Variants in ARMH3 observed in about 807,000 individuals in gnomAD.
The protein encoded by ARMH3 is armadillo like helical domain containing 3.
A neutral mutation model predicts 99.1 loss-of-function variants in ARMH3; 60 were observed. That is an observed-to-expected ratio of 0.61 (90% CI 0.49 to 0.75). The LOEUF (loss-of-function observed/expected upper bound fraction) is 0.75, where lower values mean the gene tolerates loss of function less well. Among genes scored for constraint, ARMH3 ranks in the 30% least tolerant of loss-of-function variants. The pLI, the probability that ARMH3 is intolerant of heterozygous loss-of-function variation, is 0.00. For synonymous variants in ARMH3, 285 were observed against 292.8 expected (o/e 0.97, Z 0.27); for missense variants, 679 against 843.1 (o/e 0.81, Z 2.41).
intron 24 of ARMH3, among the ~76,000 whole-genome samples, chr10:101,853,050 A>AT (rs747143889): frequency 0.014 from 1,761 of 129,534 alleles, 34 homozygotes; most frequent in African/African-American, 0.036. Flanking sequence ...TGCTTGGCTA[A>AT]TTTTTTTTTT....
In ARMH3 at chr10:101,978,902, T is replaced by C. The variant is rs575943379; in HGVS notation, c.1407-3602A>G. Reference sequence around the variant, plus strand: ...TTGCAGTGAGCCAAGATGGCGCCACTGCACTCCAGCCTGGGCAACAAAGCG... The same window carrying C: ...TTGCAGTGAGCCAAGATGGCGCCACCGCACTCCAGCCTGGGCAACAAAGCG... On this transcript the variant is annotated intron_variant, in intron 19 of 25. Coordinates refer to ENST00000370033, the MANE Select transcript of ARMH3 (RefSeq NM_024541.3). Among the ~76,000 whole-genome samples the C allele has an allele frequency of 3.3e-5, 5 of 152,116 alleles. No individual in the cohort carries two copies. In the South Asian group the frequency reaches 1.0e-3, roughly 32 times the overall value.
chr10:102,009,504 A>T, intron 12 of ARMH3, 55 bp from the exon 13 acceptor site: 1 of 1,402,326 alleles, frequency 7.1e-7, no homozygotes. Context: ...GAGTTAAAAC[A>T]GTATAACCAT....
rs759371508 is a variant in ARMH3, at chr10:102,002,053, G to C, written c.1068C>G (p.Leu356=). 4 of 1,614,070 alleles carry C rather than the reference G, an allele frequency of 2.5e-6. No homozygotes were observed. The African/African-American group carries it at 5.3e-5, about 22-fold the overall frequency. The change falls in exon 15 of 26, where the codon CTC becomes CTG. Residue 356 remains leucine (L), a synonymous_variant. Transcript: ENST00000370033. ...TGGTCTGTACATCTGCATCCAGTGG[G>C]AGTTCCACAGAACTTATAACTGGAA... ...PSSDVISSVE[L]PLDADVQTSN... is the part of the protein sequence containing the mutation.
intron 21 of ARMH3, 137 bp from the exon 22 acceptor site, chr10:101,956,860 T>C: frequency 1.4e-6 from 1 of 697,206 alleles, no homozygotes; most frequent in Non-Finnish European, 2.1e-6. Flanking sequence ...AGCCAGTTGT[T>C]AAACACAGCC....
chr10:101,993,451 G>A lies in ARMH3; in HGVS notation c.1275+87C>T, dbSNP rs1846902065. The A allele has an allele frequency of 4.0e-6, 4 of 1,007,104 alleles. No homozygotes were observed. In the South Asian group the frequency reaches 4.7e-5, roughly 12 times the overall value. 62.4% of individuals were successfully genotyped at this position (1,007,104 alleles called of 1,614,324 possible). A position where few individuals can be genotyped will look rare whatever the true frequency, so the allele number is the denominator to read the frequency against. ...TTGGCACAACTTTCCACCCACATTT[G>A]TTCTAGTAAGATCAATTTCATCCCA... is the stretch of plus-strand genomic sequence containing the variant. On this transcript the variant is annotated intron_variant, in intron 17 of 25. Transcript: ENST00000370033.
At chr10:102,033,720 T>G (rs1017420864) in intron 2 of ARMH3, among the ~76,000 whole-genome samples, 1 of 152,080 alleles carries the variant, frequency 6.6e-6, no homozygotes, top group Non-Finnish European at 1.5e-5. Context: ...ACCCGGCCCC[T>G]TAGTTTTCAA....
At position 101,860,950 on chromosome 10, in the gene ARMH3, C is replaced by T. The variant is rs532196510; in HGVS notation, c.1861-11058G>A. Reference sequence around the variant, plus strand: ...TCCAATATAATTTAAAGAAAGACAACAAAATCTAGCACTTAACTTCAATAA... The same window carrying T: ...TCCAATATAATTTAAAGAAAGACAATAAAATCTAGCACTTAACTTCAATAA... On this transcript the variant is annotated intron_variant, in intron 24 of 25. Coordinates refer to ENST00000370033, the MANE Select transcript of ARMH3 (RefSeq NM_024541.3). 2.0e-5 allele frequency among the ~76,000 whole-genome samples: 3 copies of T among 152,214 alleles called. No individual in the cohort carries two copies. The East Asian group carries it at 5.8e-4, about 29-fold the overall frequency.
At chr10:101,907,389 T>G (rs1052119563) in intron 23 of ARMH3, among the ~76,000 whole-genome samples, 2 of 151,374 alleles carry the variant, frequency 1.3e-5, no homozygotes, top group Admixed American at 1.3e-4. Flanking sequence ...GTTTTTGTTT[T>G]TTTTTTTTTT....
intron 13 of ARMH3, among the ~76,000 whole-genome samples, chr10:102,008,881 A>G (rs1324064730): frequency 6.6e-6 from 1 of 152,066 alleles, no homozygotes; most frequent in Non-Finnish European, 1.5e-5. Flanking sequence ...TCAGTATTCT[A>G]TGACTTCCTT....
chr10:102,004,767 C>T (rs1217350397), intron 14 of ARMH3, among the ~76,000 whole-genome samples: 1 of 152,164 alleles, frequency 6.6e-6, no homozygotes, highest in Admixed American at 6.5e-5. Flanking sequence ...CTACTTGCTC[C>T]TTCTCAGTAA....
chr10:102,038,207 A>T (rs2067323823), intron 2 of ARMH3, among the ~76,000 whole-genome samples: 1 of 141,946 alleles, frequency 7.0e-6, no homozygotes, highest in Admixed American at 7.8e-5. Flanking sequence ...CCATTCTCCT[A>T]CCTCAGCCTC....
chr10:102,003,194 G>A (rs998997649), intron 14 of ARMH3, among the ~76,000 whole-genome samples: 27 of 151,312 alleles, frequency 1.8e-4, no homozygotes, highest in Non-Finnish European at 2.4e-4. Context: ...ACAGAGTCTC[G>A]CTCTGTTGCC....
chr10:101,914,955 A>C (rs1185617314), intron 23 of ARMH3, among the ~76,000 whole-genome samples: 1 of 151,658 alleles, frequency 6.6e-6, no homozygotes, highest in Non-Finnish European at 1.5e-5. Context: ...TTACAAGGTT[A>C]ATTACAGCTT....
At chr10:101,946,726 A>C (rs560152527) in intron 22 of ARMH3, among the ~76,000 whole-genome samples, 1 of 152,232 alleles carries the variant, frequency 6.6e-6, no homozygotes, top group East Asian at 1.9e-4. Flanking sequence ...AGGAGACAGA[A>C]ATTGGGGCAG....
chr10:102,031,940 CT>C (rs1207910471), intron 4 of ARMH3, among the ~76,000 whole-genome samples: 2 of 151,124 alleles, frequency 1.3e-5, no homozygotes, highest in African/African-American at 4.9e-5. Context: ...GGGTTTCCCC[CT>C]GTTAGCCAGG....
Position 101,847,497 on chromosome 10 carries a change from G to A in ARMH3, c.*31C>T. On this transcript the variant is annotated 3_prime_UTR_variant, in exon 26 of 26. Coordinates refer to ENST00000370033, the MANE Select transcript of ARMH3 (RefSeq NM_024541.3). The stretch of plus-strand genomic sequence containing the variant: ...CAGCCCATGATCCTCATGGGTAAGG[G>A]CAGTCAGAGGCTGCTCAGGTAGGCG... 6.3e-7 allele frequency: 1 copy of A among 1,599,248 alleles called. No homozygotes were observed. Among genetic ancestry groups the A allele is most frequent in the Non-Finnish European group, 8.6e-7 (1 of 1,166,502 alleles).
intron 11 of ARMH3, among the ~76,000 whole-genome samples, chr10:102,011,298 A>C (rs969371151): frequency 6.6e-6 from 1 of 152,172 alleles, no homozygotes; most frequent in Admixed American, 6.6e-5. Context: ...GCAAAGGAGC[A>C]TTCAGGAGAG....
intron 19 of ARMH3, among the ~76,000 whole-genome samples, chr10:101,978,758 G>A (rs930040188): frequency 8.5e-5 from 13 of 152,258 alleles, no homozygotes; most frequent in African/African-American, 3.1e-4. Context: ...TGGCCAACAT[G>A]GTGAAACATC....
At chr10:101,904,742 G>A (rs972158097) in intron 23 of ARMH3, among the ~76,000 whole-genome samples, 2 of 151,606 alleles carry the variant, frequency 1.3e-5, no homozygotes, top group African/African-American at 2.4e-5. Flanking sequence ...TTACGAGGTC[G>A]GGAGATTGAG....
Sources: gnomAD v4.1 joint callset for allele counts (sites outside exome capture counted in the v4.1 genomes callset) on GRCh38, gnomAD v4.1.1 for gene constraint, MANE v1.5 for transcripts, NCBI Gene and HGNC (gene_info 2026-07-23, HGNC 2026-07-21) for gene names.